GAB2: variants seen among roughly 807,000 people sequenced by gnomAD.
The protein encoded by GAB2 is GRB2-associated-binding protein 2.
GAB2 carries 26 observed loss-of-function variants against 65.5 expected under a neutral mutation model. The ratio of observed to expected loss-of-function variants is 0.40; its 90% CI spans 0.29 to 0.55. The LOEUF is 0.55. GAB2 is among the 20% of genes least tolerant of loss of function. The probability of loss-of-function intolerance (pLI) is 0.53; values close to 1 mark genes in which losing one functional copy is unlikely to be tolerated. For synonymous variants in GAB2, 321 were observed against 329.6 expected (o/e 0.97, Z 0.28); for missense variants, 884 against 875.8 (o/e 1.01, Z -0.12).
chr11:78,301,328 T>C (rs1867011430), intron 1 of GAB2, among the ~76,000 whole-genome samples: 1 of 138,594 alleles, frequency 7.2e-6, no homozygotes, highest in Non-Finnish European at 1.5e-5. Flanking sequence ...TGGTATCTTG[T>C]GGTTTTTTGT....
At chr11:78,359,973 A>C (rs778415071) in intron 1 of GAB2, among the ~76,000 whole-genome samples, 70 of 152,370 alleles carry the variant, frequency 4.6e-4, no homozygotes, top group Non-Finnish European at 9.0e-4. Context: ...GAATTCAGGG[A>C]AACTCTAAAT....
At chr11:78,242,837 T>G (rs1350543958) in intron 3 of GAB2, among the ~76,000 whole-genome samples, 2 of 152,024 alleles carry the variant, frequency 1.3e-5, no homozygotes, top group Non-Finnish European at 2.9e-5. Flanking sequence ...GTAGCAAGAC[T>G]GACCAAGAAA....
At chr11:78,397,200 C>T (rs565092063) in intron 1 of GAB2, among the ~76,000 whole-genome samples, 5 of 152,120 alleles carry the variant, frequency 3.3e-5, no homozygotes, top group South Asian at 2.1e-4. Context: ...ACAAAAAAAA[C>T]CCAAAACCAA....
intron 1 of GAB2, among the ~76,000 whole-genome samples, chr11:78,405,901 C>T (rs1184937674): frequency 6.6e-6 from 1 of 152,162 alleles, no homozygotes; most frequent in Non-Finnish European, 1.5e-5. Context: ...AAGGAGCAGC[C>T]TAGCAAGAGA....
chr11:78,256,917 G>A (rs1378388815), intron 2 of GAB2, among the ~76,000 whole-genome samples: 1 of 152,062 alleles, frequency 6.6e-6, no homozygotes, highest in African/African-American at 2.4e-5. Context: ...GAAAATGGAG[G>A]TTTCTAGACT....
Position 78,223,552 on chromosome 11 carries a change from T to C in GAB2, c.1427A>G (p.Tyr476Cys), listed in dbSNP as rs143590731. Residue 476 changes from tyrosine (Y) to cysteine (C), a missense_variant, in exon 6 of 10, where the codon TAC (tyrosine) becomes TGC (cysteine). Physicochemically the swap from Tyr to Cys is radical, Grantham distance 194. Coordinates refer to ENST00000361507, the MANE Select transcript of GAB2 (RefSeq NM_080491.3). ...ATGGGCCCCTGGGCTCATTGGGATG[T>C]AGACGCTCTGGGAATTATCACCTGC... ...ERAGDNSQSVYIPMSPGAHHF... is the reference protein window; with the variant it reads ...ERAGDNSQSVCIPMSPGAHHF... The C allele has an allele frequency of 1.2e-6, 2 of 1,613,874 alleles. No homozygotes were observed. Among genetic ancestry groups the C allele is most frequent in the Non-Finnish European group, 1.7e-6 (2 of 1,179,928 alleles).
intron 1 of GAB2, among the ~76,000 whole-genome samples, chr11:78,373,628 A>T (rs1291674672): frequency 6.6e-6 from 1 of 152,204 alleles, no homozygotes; most frequent in Non-Finnish European, 1.5e-5. Context: ...AACACATTGA[A>T]TGGGCCCGGG....
intron 3 of GAB2, among the ~76,000 whole-genome samples, chr11:78,244,004 T>G (rs554725556): frequency 6.6e-6 from 1 of 151,712 alleles, no homozygotes; most frequent in Non-Finnish European, 1.5e-5. Flanking sequence ...GAGATGGAAT[T>G]TGCAAAAAAA....
chr11:78,309,787 G>C (rs1268686074), intron 1 of GAB2, among the ~76,000 whole-genome samples: 1 of 152,148 alleles, frequency 6.6e-6, no homozygotes, highest in Admixed American at 6.5e-5. Flanking sequence ...AGGATATAGA[G>C]AGTAACATCC....
intron 1 of GAB2, among the ~76,000 whole-genome samples, chr11:78,401,011 G>A (rs751908827): frequency 6.6e-6 from 1 of 150,728 alleles, no homozygotes; most frequent in Non-Finnish European, 1.5e-5. Context: ...GTCACTGAGA[G>A]AATATTCCAT....
chr11:78,258,070 A>G (rs112219902), intron 2 of GAB2, among the ~76,000 whole-genome samples: 116 of 152,350 alleles, frequency 7.6e-4, no homozygotes, highest in African/African-American at 2.3e-3. Context: ...GAATCTGGGC[A>G]TACCATTTCA....
At chr11:78,327,246 A>C (rs988204426) in intron 1 of GAB2, among the ~76,000 whole-genome samples, 1 of 152,224 alleles carries the variant, frequency 6.6e-6, no homozygotes, top group African/African-American at 2.4e-5. Flanking sequence ...AAGAATGATA[A>C]ACAATCATGT....
chr11:78,394,789 G>C (rs943553358), intron 1 of GAB2, among the ~76,000 whole-genome samples: 2 of 152,194 alleles, frequency 1.3e-5, no homozygotes, highest in Non-Finnish European at 2.9e-5. Flanking sequence ...AAGTGGACCA[G>C]GGCCAGGTGG....
intron 1 of GAB2, among the ~76,000 whole-genome samples, chr11:78,380,116 T>C (rs934181452): frequency 1.3e-5 from 2 of 152,202 alleles, no homozygotes; most frequent in Non-Finnish European, 2.9e-5. Flanking sequence ...GGACTATAAA[T>C]CCATGTCCGC....
intron 1 of GAB2, among the ~76,000 whole-genome samples, chr11:78,304,258 G>A (rs1288341378): frequency 6.6e-6 from 1 of 151,586 alleles, no homozygotes; most frequent in Non-Finnish European, 1.5e-5. Flanking sequence ...TACAATTTAG[G>A]GTTTTTTGTA....
chr11:78,391,940 T>C (rs1023463689), intron 1 of GAB2, among the ~76,000 whole-genome samples: 11 of 152,152 alleles, frequency 7.2e-5, no homozygotes, highest in Admixed American at 2.0e-4. Context: ...AGCAGACAGC[T>C]ATAGAAAATA....
intron 2 of GAB2, among the ~76,000 whole-genome samples, chr11:78,268,206 G>C (rs969378420): frequency 2.0e-5 from 3 of 152,088 alleles, no homozygotes; most frequent in African/African-American, 7.2e-5. Context: ...TGGTTAAAAA[G>C]CAATGCTTTA....
At chr11:78,351,320 T>C (rs1290147590) in intron 1 of GAB2, among the ~76,000 whole-genome samples, 5 of 151,550 alleles carry the variant, frequency 3.3e-5, no homozygotes, top group East Asian at 2.0e-4. Context: ...AAGCATAACA[T>C]AGAAGTAAAA....
At chr11:78,393,412 T>C (rs1432523420) in intron 1 of GAB2, among the ~76,000 whole-genome samples, 2 of 152,150 alleles carry the variant, frequency 1.3e-5, no homozygotes, top group Admixed American at 6.6e-5. Context: ...CAATAATACA[T>C]GAAAATATAT....
Sources: allele counts gnomAD v4.1 joint callset (sites outside exome capture counted in the v4.1 genomes callset), GRCh38; gene constraint gnomAD v4.1.1; transcripts MANE v1.5; gene names NCBI Gene and HGNC (gene_info 2026-07-23, HGNC 2026-07-21).